PDE11A: variants seen among roughly 807,000 people sequenced by gnomAD.
PDE11A encodes dual 3',5'-cyclic-AMP and -GMP phosphodiesterase 11A.
In PDE11A, 100 loss-of-function variants were observed where a neutral mutation model predicts 100.5. The observed-to-expected ratio is 1.00, with a 90% confidence interval of 0.85 to 1.18. PDE11A has a LOEUF of 1.18. Ranked by LOEUF, PDE11A falls within the 50% of genes most tolerant of loss-of-function variation. The pLI is 0.00. For missense variants in PDE11A, 1,141 were observed against 1,152.6 expected (o/e 0.99, Z 0.15); for synonymous variants, 381 against 420.8 (o/e 0.91, Z 1.16).
rs541890604 is a variant in PDE11A at position 178,087,094 on chromosome 2, T to C, written c.162+17208A>G. ...GCTCACACCTGTAATCCCAGCACTT[T>C]GGGAGGCTGAGGTGGGCAGATCACA... On this transcript the variant is annotated intron_variant, in intron 2 of 20. Transcript: ENST00000358450. Among the ~76,000 whole-genome samples the C allele has an allele frequency of 2.0e-5, 3 of 152,268 alleles. No homozygotes were observed. In the East Asian group the frequency reaches 5.8e-4, roughly 29 times the overall value.
chr2:178,004,636 T>G (rs958645476), intron 2 of PDE11A, among the ~76,000 whole-genome samples: 1 of 152,086 alleles, frequency 6.6e-6, no homozygotes, highest in African/African-American at 2.4e-5. Context: ...CAGAGAAGAG[T>G]TTATAAGACA....
chr2:177,881,121 A>T (rs1291024131), intron 4 of PDE11A, among the ~76,000 whole-genome samples: 1 of 152,164 alleles, frequency 6.6e-6, no homozygotes, highest in East Asian at 1.9e-4. Context: ...GGAAGGGCAA[A>T]TGTGGTCTCT....
At chr2:178,007,166 A>G (rs2086222272) in intron 2 of PDE11A, among the ~76,000 whole-genome samples, 1 of 152,256 alleles carries the variant, frequency 6.6e-6, no homozygotes, top group Non-Finnish European at 1.5e-5. Context: ...GAAGGTTTTC[A>G]GAAAAATGAG....
chr2:178,043,359 C>T (rs2086706466), intron 1 of PDE11A, among the ~76,000 whole-genome samples: 2 of 152,140 alleles, frequency 1.3e-5, no homozygotes, highest in African/African-American at 4.8e-5. Context: ...ACAGATTTGA[C>T]TATCCAGAAA....
At chr2:177,632,388 C>T (rs2079965272) in intron 19 of PDE11A, among the ~76,000 whole-genome samples, 1 of 152,170 alleles carries the variant, frequency 6.6e-6, no homozygotes, top group Admixed American at 6.5e-5. Context: ...GACACCAGGA[C>T]CTTTCTTCTG....
rs981246311 is a variant in PDE11A, at chr2:177,865,796, T to C, written c.1367+10063A>G. Among the ~76,000 whole-genome samples, 15 of 152,094 alleles carry C rather than the reference T, an allele frequency of 9.9e-5. No homozygotes were observed. The South Asian group carries it at 1.0e-3, about 11-fold the overall frequency. ...TTCCATTTATAAGAAATGTCCAAAA[T>C]AGACAAATCCATTGAGGCAGAAAGT... On this transcript the variant is annotated intron_variant, in intron 5 of 19. Transcript: ENST00000286063.
intron 2 of PDE11A, among the ~76,000 whole-genome samples, chr2:177,977,912 A>G (rs2085830888): frequency 3.4e-5 from 1 of 29,158 alleles, no homozygotes; most frequent in South Asian, 2.9e-3. Flanking sequence ...TACACCTTAT[A>G]CAAAAATCAA....
chr2:177,714,547 C>T (rs182961361), intron 12 of PDE11A, among the ~76,000 whole-genome samples: 90 of 152,248 alleles, frequency 5.9e-4, no homozygotes, highest in African/African-American at 1.4e-3. Flanking sequence ...GGAGCAAGCT[C>T]CTAGCATCCT....
chr2:178,095,614 TAGGGACTCTGTGA>T (rs1282765528), intron 2 of PDE11A, among the ~76,000 whole-genome samples: 1 of 152,232 alleles, frequency 6.6e-6, no homozygotes, highest in Non-Finnish European at 1.5e-5. Flanking sequence ...AATGCCCCAG[TAGGGACTCTGTGA>T]TGGGGCTCCA....
At chr2:177,931,777 G>A (rs1001130915) in intron 2 of PDE11A, among the ~76,000 whole-genome samples, 3 of 151,942 alleles carry the variant, frequency 2.0e-5, no homozygotes, top group Non-Finnish European at 4.4e-5. Context: ...AAAGCTAGTA[G>A]AAGAAAAGAA....
intron 6 of PDE11A, among the ~76,000 whole-genome samples, chr2:177,823,030 A>G (rs2083164700): frequency 6.6e-6 from 1 of 152,076 alleles, no homozygotes. Context: ...TTTAATTCTT[A>G]TACCTTTTAG....
chr2:177,737,432 TAC>T (rs1237615399), intron 10 of PDE11A, among the ~76,000 whole-genome samples: 3 of 136,600 alleles, frequency 2.2e-5, no homozygotes, highest in Admixed American at 7.6e-5. Context: ...CACACACACA[TAC>T]ACACACACAC....
In PDE11A at chr2:177,623,442, T is replaced by C. The variant is rs2079790478; in HGVS notation, c.*5965A>G. 1 of 152,248 alleles carries C rather than the reference T, an allele frequency of 6.6e-6. No homozygotes were observed. 9.4% of individuals were successfully genotyped at this position (152,248 alleles called of 1,614,324 possible). Reference sequence around the variant, plus strand: ...CTCAATTGAAAACGTATTTCCTTTCTTTCGTGTAAAACAATAATAATTAGG... The same window carrying C: ...CTCAATTGAAAACGTATTTCCTTTCCTTCGTGTAAAACAATAATAATTAGG... On this transcript the variant is annotated 3_prime_UTR_variant, in exon 20 of 20. Transcript: ENST00000286063.
intron 2 of PDE11A, among the ~76,000 whole-genome samples, chr2:177,912,490 C>A (rs2084896579): frequency 6.6e-6 from 1 of 152,146 alleles, no homozygotes; most frequent in Non-Finnish European, 1.5e-5. Context: ...CATGCAGGTA[C>A]TACTCATATC....
chr2:178,005,919 C>T (rs527663231), intron 2 of PDE11A, among the ~76,000 whole-genome samples: 1 of 152,244 alleles, frequency 6.6e-6, no homozygotes, highest in African/African-American at 2.4e-5. Flanking sequence ...AAGCATTTAT[C>T]ATTTCCTTGG....
chr2:178,069,746 G>C (rs1223538661), intron 1 of PDE11A, among the ~76,000 whole-genome samples: 1 of 152,164 alleles, frequency 6.6e-6, no homozygotes, highest in South Asian at 2.1e-4. Flanking sequence ...CACAATTCTA[G>C]ACAGCAGCAA....
rs2087278244 is a variant in PDE11A, at chr2:178,081,040, G to A, written c.162+23262C>T. Among the ~76,000 whole-genome samples, 6 of 152,200 alleles carry A rather than the reference G, an allele frequency of 3.9e-5. No homozygotes were observed. The South Asian group carries it at 1.0e-3, about 26-fold the overall frequency. ...GGTAGTTTGAACTTTGAGAAACCAT[G>A]AATCTGTTGCCAAATTAACCTTACT... On this transcript the variant is annotated intron_variant, in intron 2 of 20. Transcript: ENST00000358450.
At chr2:177,779,127 AG>A (rs2082418243) in intron 9 of PDE11A, among the ~76,000 whole-genome samples, 1 of 152,206 alleles carries the variant, frequency 6.6e-6, no homozygotes, top group Admixed American at 6.5e-5. Context: ...TGCATATAAA[AG>A]TTATGTTTAT....
At chr2:177,700,488 C>G (rs1039047241) in intron 14 of PDE11A, among the ~76,000 whole-genome samples, 3 of 151,782 alleles carry the variant, frequency 2.0e-5, no homozygotes, top group African/African-American at 7.3e-5. Context: ...CGCAGCCAGA[C>G]TCAGTTAGTG....
Sources: allele counts gnomAD v4.1 joint callset (sites outside exome capture counted in the v4.1 genomes callset), GRCh38; gene constraint gnomAD v4.1.1; transcripts MANE v1.5; gene names NCBI Gene and HGNC (gene_info 2026-07-23, HGNC 2026-07-21).